TCEANC2: variants seen among roughly 807,000 people sequenced by gnomAD.
The protein encoded by TCEANC2 is transcription elongation factor A N-terminal and central domain containing 2.
In TCEANC2, 20 loss-of-function variants were observed where a neutral mutation model predicts 22.8. The observed-to-expected ratio is 0.88, with a 90% CI of 0.62 to 1.28. The LOEUF is 1.28. Ranked by LOEUF, TCEANC2 falls within the 50% of genes most tolerant of loss-of-function variation. The pLI, the probability that TCEANC2 is intolerant of heterozygous loss-of-function variation, is 0.00. For missense variants in TCEANC2, 251 were observed against 249.7 expected, an observed-to-expected ratio of 1.01 and a Z score of -0.03; for synonymous variants, 84 against 95.5, an observed-to-expected ratio of 0.88 and a Z score of 0.70.
At chr1:54,075,204 C>T (rs1381906973) in intron 3 of TCEANC2, among the ~76,000 whole-genome samples, 1 of 152,202 alleles carries the variant, frequency 6.6e-6, no homozygotes, top group East Asian at 1.9e-4. Context: ...AAGGCGCCCA[C>T]ATTCTCTGGA....
intron 4 of TCEANC2, chr1:54,089,872 A>G (rs1658409247): frequency 3.2e-6 from 2 of 623,222 alleles, no homozygotes; most frequent in African/African-American, 1.8e-5. Context: ...CTCTTGGTCA[A>G]AAACGCACCA....
chr1:54,064,491 C>T lies in TCEANC2; in HGVS notation c.103-4265C>T, dbSNP rs116799732. On this transcript the variant is annotated intron_variant, in intron 2 of 4. Transcript: ENST00000234827. Reference sequence around the variant, plus strand: ...TTCCCGTTGGTTACTTGGCTTACACCCTAAGTAAATGAAGTAGTGGCCTGC... The same window carrying T: ...TTCCCGTTGGTTACTTGGCTTACACTCTAAGTAAATGAAGTAGTGGCCTGC... Among the ~76,000 whole-genome samples, 973 of 152,048 alleles carry T rather than the reference C, an allele frequency of 6.4e-3. 10 individuals are homozygous for T. The highest frequency in any genetic ancestry group is 0.023 in the African/African-American group (936 of 41,466).
chr1:54,076,822 A>G (rs1241728761), intron 3 of TCEANC2, among the ~76,000 whole-genome samples: 2 of 152,342 alleles, frequency 1.3e-5, no homozygotes, highest in East Asian at 3.9e-4. Flanking sequence ...TGAAGCTTAC[A>G]TTCTAGTGAG....
downstream of TCEANC2, among the ~76,000 whole-genome samples, chr1:54,108,468 C>T (rs1395460672): frequency 6.6e-6 from 1 of 152,202 alleles, no homozygotes; most frequent in Non-Finnish European, 1.5e-5. Flanking sequence ...AGGATGCAGA[C>T]AGCACACAGA....
chr1:54,054,143 G>C, intron 1 of TCEANC2: 2 of 924,318 alleles, frequency 2.2e-6, no homozygotes, highest in Non-Finnish European at 3.0e-6. Context: ...ATCCTCGCTA[G>C]AGCGTGCACT....
chr1:54,064,458 C>G (rs545904847), intron 2 of TCEANC2, among the ~76,000 whole-genome samples: 33 of 152,222 alleles, frequency 2.2e-4, no homozygotes, highest in Non-Finnish European at 3.7e-4. Flanking sequence ...TGAATACCCT[C>G]TAGAGGCTTC....
At chr1:54,068,702 G>C in intron 2 of TCEANC2, 54 bp from the exon 3 acceptor site, 1 of 1,552,074 alleles carries the variant, frequency 6.4e-7, no homozygotes, top group East Asian at 2.3e-5. Context: ...GGTGAAGGCA[G>C]ATGTCTTTCT....
intron 3 of TCEANC2, among the ~76,000 whole-genome samples, chr1:54,081,067 G>A (rs1658235035): frequency 6.6e-6 from 1 of 152,064 alleles, no homozygotes; most frequent in Admixed American, 6.6e-5. Flanking sequence ...TATGAAACCT[G>A]GTCTGGCTTC....
chr1:54,110,603 C>CAAACAAAACA (rs549379793), downstream of TCEANC2, among the ~76,000 whole-genome samples: 1 of 152,024 alleles, frequency 6.6e-6, no homozygotes, highest in Admixed American at 6.6e-5. Flanking sequence ...AACCTTGTCT[C>CAAACAAAACA]AAACAAAACA....
At chr1:54,059,862 A>G (rs1657818983) in intron 2 of TCEANC2, among the ~76,000 whole-genome samples, 1 of 152,250 alleles carries the variant, frequency 6.6e-6, no homozygotes, top group South Asian at 2.1e-4. Flanking sequence ...ATGTTGTGAA[A>G]CAGCTTATGC....
At chr1:54,067,468 A>G (rs906850707) in intron 2 of TCEANC2, among the ~76,000 whole-genome samples, 1 of 152,246 alleles carries the variant, frequency 6.6e-6, no homozygotes, top group Non-Finnish European at 1.5e-5. Flanking sequence ...AAAGAAAGTC[A>G]GCTTTCAACA....
At chr1:54,065,435 A>G (rs1399688340) in intron 2 of TCEANC2, among the ~76,000 whole-genome samples, 1 of 152,190 alleles carries the variant, frequency 6.6e-6, no homozygotes, top group Non-Finnish European at 1.5e-5. Context: ...TTGTAAGGGT[A>G]GGTTGAGCAT....
chr1:54,066,364 A>G (rs1356958241), intron 2 of TCEANC2, among the ~76,000 whole-genome samples: 1 of 152,188 alleles, frequency 6.6e-6, no homozygotes, highest in African/African-American at 2.4e-5. Flanking sequence ...AGTAATCATA[A>G]TAAACACAAA....
At chr1:54,057,147 C>G (rs965430583) in intron 2 of TCEANC2, among the ~76,000 whole-genome samples, 7 of 151,726 alleles carry the variant, frequency 4.6e-5, no homozygotes, top group African/African-American at 1.7e-4. Context: ...TAATGTATAT[C>G]CGTATACCAA....
chr1:54,060,274 G>A (rs947121881), intron 2 of TCEANC2, among the ~76,000 whole-genome samples: 7 of 152,038 alleles, frequency 4.6e-5, no homozygotes, highest in African/African-American at 9.6e-5. Flanking sequence ...GCGTGGTCGC[G>A]CGCGCCTGTA....
intron 3 of TCEANC2, among the ~76,000 whole-genome samples, chr1:54,085,886 A>C (rs1447239466): frequency 6.6e-6 from 1 of 151,790 alleles, no homozygotes; most frequent in East Asian, 1.9e-4. Context: ...GGCATATGTC[A>C]CCTCACCTGG....
chr1:54,062,044 G>T (rs1452493082), intron 2 of TCEANC2, among the ~76,000 whole-genome samples: 2 of 152,084 alleles, frequency 1.3e-5, no homozygotes, highest in South Asian at 2.1e-4. Flanking sequence ...ATTCTTTTAG[G>T]TTCATCACTT....
At chr1:54,064,346 G>A (rs1474342852) in intron 2 of TCEANC2, among the ~76,000 whole-genome samples, 2 of 152,182 alleles carry the variant, frequency 1.3e-5, no homozygotes, top group African/African-American at 2.4e-5. Context: ...ATGGAGCAAC[G>A]AAAGCATAGA....
At chr1:54,080,139 T>A (rs932625702) in intron 3 of TCEANC2, among the ~76,000 whole-genome samples, 9 of 151,440 alleles carry the variant, frequency 5.9e-5, no homozygotes, top group Admixed American at 5.9e-4. Context: ...GGTCTCCAAT[T>A]TTCTTTCTTT....
Sources: allele counts gnomAD v4.1 joint callset (sites outside exome capture counted in the v4.1 genomes callset), GRCh38; gene constraint gnomAD v4.1.1; transcripts MANE v1.5; gene names NCBI Gene and HGNC (gene_info 2026-07-23, HGNC 2026-07-21).